Variants in WLS observed in about 807,000 individuals in gnomAD.
WLS encodes protein wntless homolog.
A neutral mutation model predicts 62.8 loss-of-function variants in WLS; 23 were observed. The observed-to-expected ratio is 0.37, with a 90% CI of 0.26 to 0.52. The LOEUF (loss-of-function observed/expected upper bound fraction) is 0.52. Among genes scored for constraint, WLS ranks in the 20% least tolerant of loss-of-function variants. The pLI is 0.92. For synonymous variants in WLS, 246 were observed against 244.1 expected, an observed-to-expected ratio of 1.01 and a Z score of -0.07; for missense variants, 615 against 697.3, an observed-to-expected ratio of 0.88 and a Z score of 1.33.
intron 11 of WLS, among the ~76,000 whole-genome samples, chr1:68,106,804 A>G (rs1175272513): frequency 3.9e-5 from 6 of 152,064 alleles, no homozygotes; most frequent in African/African-American, 1.4e-4. Context: ...TGCAGTGTCC[A>G]GGACAAGAGA....
rs893450106 is a variant in WLS, at chr1:68,143,966, C to A, written c.1362+603G>T. 7.9e-5 allele frequency among the ~76,000 whole-genome samples: 12 copies of A among 152,234 alleles called. No individual in the cohort carries two copies. In the South Asian group the frequency reaches 2.3e-3, roughly 29 times the overall value. ...AGCAAGCTAGGATAACAATTCCTGC[C>A]CTACTTACCTCGTAGGATTTTTGTG... On this transcript the variant is annotated intron_variant, in intron 10 of 11. Coordinates refer to ENST00000262348, the MANE Select transcript of WLS (RefSeq NM_024911.7).
At chr1:68,161,763 G>A (rs1489318758) in intron 2 of WLS, 62 of 1,597,628 alleles carry the variant, frequency 3.9e-5, no homozygotes, top group African/African-American at 8.0e-5. Flanking sequence ...GCTATTGCTC[G>A]TTGGAGTGCT....
At chr1:68,153,380 A>G in intron 5 of WLS, 137 bp downstream of exon 5, 1 of 1,095,010 alleles carries the variant, frequency 9.1e-7, no homozygotes, top group Non-Finnish European at 1.3e-6. Context: ...GAGAAAAAGG[A>G]GTCCAGGATG....
chr1:68,117,797 C>T (rs950414745), intron 11 of WLS: 2 of 152,184 alleles, frequency 1.3e-5, no homozygotes, highest in Non-Finnish European at 2.9e-5. Flanking sequence ...GATGGGATGG[C>T]TCTGACACCC....
intron 1 of WLS, among the ~76,000 whole-genome samples, chr1:68,227,620 ACTC>A (rs1277182667): frequency 3.3e-5 from 5 of 152,116 alleles, no homozygotes; most frequent in African/African-American, 1.2e-4. Context: ...GTTGCACAGT[ACTC>A]CTACAAACCA....
At chr1:68,157,646 C>A (rs1326998890) in intron 3 of WLS, among the ~76,000 whole-genome samples, 1 of 151,598 alleles carries the variant, frequency 6.6e-6, no homozygotes, top group Non-Finnish European at 1.5e-5. Flanking sequence ...CTCATTTAAT[C>A]TTGAGACTCA....
intron 11 of WLS, chr1:68,099,684 ATTTTTTCATTT>A: frequency 6.6e-6 from 1 of 152,096 alleles, no homozygotes; most frequent in South Asian, 2.1e-4. Flanking sequence ...GTTATACTAT[ATTTTTTCATTT>A]GTGTCATTTT....
intron 1 of WLS, chr1:68,228,217 T>C (rs1346874206): frequency 2.3e-6 from 1 of 439,036 alleles, no homozygotes; most frequent in African/African-American, 2.0e-5. Context: ...TTGTTGATAC[T>C]TACAGTTTAT....
At chr1:68,122,967 A>G (rs1462326285), downstream of WLS, among the ~76,000 whole-genome samples, 1 of 152,192 alleles carries the variant, frequency 6.6e-6, no homozygotes, top group African/African-American at 2.4e-5. Context: ...CTTCGATGCT[A>G]ACTCATCAAC....
chr1:68,159,696 A>G (rs1191700136), intron 2 of WLS, among the ~76,000 whole-genome samples: 1 of 152,178 alleles, frequency 6.6e-6, no homozygotes, highest in East Asian at 1.9e-4. Context: ...AAGTTTTTCA[A>G]CCACCTCTCA....
intron 10 of WLS, chr1:68,142,759 CA>C (rs1457819738): frequency 2.0e-5 from 3 of 152,160 alleles, no homozygotes; most frequent in Non-Finnish European, 4.4e-5. Context: ...GCAGAGCTAG[CA>C]ACACTAACAC....
In WLS at chr1:68,153,549, G is replaced by C; in HGVS notation, c.771C>G (p.Thr257=). 6.2e-7 allele frequency: 1 copy of C among 1,614,108 alleles called. No homozygotes were observed. Among genetic ancestry groups the C allele is most frequent in the Non-Finnish European group, 8.5e-7 (1 of 1,180,008 alleles). The change falls in exon 5 of 12, where the codon ACC becomes ACG. Residue 257 remains threonine, a synonymous_variant. Transcript: ENST00000262348. ...GAAGCACTGGGGGTCGGGACATCAT[G>C]GTGATCCTCCTCCAATACCACACCA... ...IIMVWYWRRI[T]MMSRPPVLLE...
intron 3 of WLS, among the ~76,000 whole-genome samples, chr1:68,156,964 A>G (rs1358824828): frequency 1.3e-5 from 2 of 152,308 alleles, no homozygotes; most frequent in Non-Finnish European, 2.9e-5. Flanking sequence ...TTATTGATGG[A>G]AATTGAGAAC....
intron 11 of WLS, 71 bp from the exon 12 acceptor site, chr1:68,126,406 A>G (rs991488377): frequency 1.9e-6 from 3 of 1,587,334 alleles, no homozygotes; most frequent in Admixed American, 3.5e-5. Context: ...CATCTCATGG[A>G]CAACTGCCCT....
At chr1:68,196,193 T>C (rs1218572654) in intron 1 of WLS, among the ~76,000 whole-genome samples, 1 of 151,666 alleles carries the variant, frequency 6.6e-6, no homozygotes, top group East Asian at 1.9e-4. Flanking sequence ...TGGACAGAAT[T>C]AGCATCCTTC....
intron 1 of WLS, among the ~76,000 whole-genome samples, chr1:68,204,686 T>G (rs2100634838): frequency 6.6e-6 from 1 of 152,274 alleles, no homozygotes; most frequent in African/African-American, 2.4e-5. Context: ...ATTTCATCAG[T>G]TTTAGGTTCT....
Position 68,162,538 on chromosome 1 carries a change from A to G in WLS, c.380-3291T>C. 5 of 1,605,750 alleles carry G rather than the reference A, an allele frequency of 3.1e-6. No individual in the cohort carries two copies. In the African/African-American group the frequency reaches 6.7e-5, roughly 21 times the overall value. ...CTACCCCCTGCGATCAAAGCCGATG[A>G]GGCCCAGCATTTCCCCACGGATGCT... On this transcript the variant is annotated intron_variant, in intron 2 of 11. Transcript: ENST00000262348.
chr1:68,155,222 G>C lies in WLS; in HGVS notation c.543C>G (p.Val181=), dbSNP rs754922833. 2.4e-5 allele frequency: 38 copies of C among 1,613,658 alleles called. No homozygotes were observed. Among genetic ancestry groups the C allele is most frequent in the Non-Finnish European group, 3.0e-5 (35 of 1,179,860 alleles). Residue 181 remains valine (V), a synonymous_variant, in exon 4 of 12, where the codon GTC becomes GTG. Transcript: ENST00000262348. ...CAGACCCAATTTCCATGAAAGGAAG[G>C]ACATCACATTCATAGTAACGGCCCT... ...EHEGRYYECD[V]LPFMEIGSVA...
chr1:68,098,549 A>G (rs1251562254), exon 12 of WLS: 2 of 1,560,048 alleles, frequency 1.3e-6, no homozygotes, highest in Admixed American at 1.9e-5. Context: ...AAATGAGTGT[A>G]TTTGTGTGCG....
Sources: gnomAD v4.1 joint callset for allele counts (sites outside exome capture counted in the v4.1 genomes callset) on GRCh38, gnomAD v4.1.1 for gene constraint, MANE v1.5 for transcripts, NCBI Gene and HGNC (gene_info 2026-07-23, HGNC 2026-07-21) for gene names.